CNTNAP2: variants seen among roughly 807,000 people sequenced by gnomAD.
The protein encoded by CNTNAP2 is contactin-associated protein-like 2.
A neutral mutation model predicts 155.2 loss-of-function variants in CNTNAP2; 98 were observed. The ratio of observed to expected loss-of-function variants is 0.63; its 90% confidence interval spans 0.54 to 0.75. The LOEUF (loss-of-function observed/expected upper bound fraction) is 0.75. CNTNAP2 is among the 30% of genes least tolerant of loss of function. The probability of loss-of-function intolerance (pLI) is 0.00; values close to 1 mark genes in which losing one functional copy is unlikely to be tolerated. For missense variants in CNTNAP2, 1,727 were observed against 1,688.1 expected (o/e 1.02, Z -0.40); for synonymous variants, 651 against 631.2 (o/e 1.03, Z -0.47).
rs142170351 is a variant in CNTNAP2, at chr7:147,197,512, G to A, written c.1348+65003G>A. Among the ~76,000 whole-genome samples, 360 of 152,148 alleles carry A rather than the reference G, an allele frequency of 2.4e-3. 1 individual carries two copies. Among genetic ancestry groups the A allele is most frequent in the African/African-American group, 8.2e-3 (340 of 41,488 alleles). On this transcript the variant is annotated intron_variant, in intron 8 of 23. Coordinates refer to ENST00000361727, the MANE Select transcript of CNTNAP2 (RefSeq NM_014141.6). ...GATAAGGAGTAATATTAGAGCTATC[G>A]TTAATAATATAAATAATAGGAGATC...
At chr7:146,721,895 T>A (rs1478639222) in intron 1 of CNTNAP2, among the ~76,000 whole-genome samples, 1,613 of 94,588 alleles carry the variant, frequency 0.017, 153 homozygotes, top group Middle Eastern at 0.041. Context: ...ATATATTTTT[T>A]TTTTTTTTTT....
intron 8 of CNTNAP2, among the ~76,000 whole-genome samples, chr7:147,294,689 G>C (rs1156533664): frequency 6.6e-6 from 1 of 150,536 alleles, no homozygotes; most frequent in Non-Finnish European, 1.5e-5. Flanking sequence ...ATGAAGTTTT[G>C]CTCTTGTTGC....
chr7:147,208,074 C>T (rs1409559054), intron 8 of CNTNAP2, among the ~76,000 whole-genome samples: 1 of 152,110 alleles, frequency 6.6e-6, no homozygotes, highest in Non-Finnish European at 1.5e-5. Context: ...ACAAGCAGTA[C>T]ATGAACATAT....
intron 8 of CNTNAP2, among the ~76,000 whole-genome samples, chr7:147,273,298 G>T (rs182367861): frequency 6.6e-6 from 1 of 152,156 alleles, no homozygotes; most frequent in African/African-American, 2.4e-5. Context: ...TAATAATTAT[G>T]GTAGCATGCT....
intron 13 of CNTNAP2, among the ~76,000 whole-genome samples, chr7:147,641,184 C>G (rs1253894461): frequency 6.6e-6 from 1 of 152,184 alleles, no homozygotes; most frequent in Non-Finnish European, 1.5e-5. Context: ...TTAAAAGACC[C>G]CTTTTCCCCT....
chr7:147,479,938 T>C (rs967585044), intron 10 of CNTNAP2, among the ~76,000 whole-genome samples: 2 of 152,078 alleles, frequency 1.3e-5, no homozygotes, highest in Non-Finnish European at 2.9e-5. Context: ...TAATTTCTAT[T>C]TGAATAAAAT....
At chr7:146,685,411 T>A (rs1344362252) in intron 1 of CNTNAP2, among the ~76,000 whole-genome samples, 1 of 152,210 alleles carries the variant, frequency 6.6e-6, no homozygotes, top group Non-Finnish European at 1.5e-5. Context: ...TGGACATATA[T>A]GAACATTATG....
intron 17 of CNTNAP2, among the ~76,000 whole-genome samples, chr7:148,168,492 C>T (rs1196761841): frequency 1.4e-5 from 2 of 144,034 alleles, no homozygotes; most frequent in Non-Finnish European, 3.0e-5. Context: ...TGTTCTCACT[C>T]ATAGGTGGGA....
intron 15 of CNTNAP2, among the ~76,000 whole-genome samples, chr7:148,027,416 T>C (rs144657821): frequency 1.5e-4 from 23 of 152,326 alleles, no homozygotes; most frequent in African/African-American, 4.8e-4. Context: ...TGACAGTCTG[T>C]TTACCAATCA....
chr7:147,286,478 A>C (rs529025214), intron 8 of CNTNAP2, among the ~76,000 whole-genome samples: 6 of 152,192 alleles, frequency 3.9e-5, no homozygotes, highest in African/African-American at 1.4e-4. Flanking sequence ...ATAACCTATA[A>C]ATGTTTAAAT....
At chr7:146,375,104 A>G (rs6969042) in intron 1 of CNTNAP2, among the ~76,000 whole-genome samples, 4,971 of 152,358 alleles carry the variant, frequency 0.033, 280 homozygotes, top group African/African-American at 0.11. Flanking sequence ...TCACAAAAAC[A>G]AAACTTCTTA....
At chr7:146,504,312 C>G (rs1313253874) in intron 1 of CNTNAP2, among the ~76,000 whole-genome samples, 2 of 152,188 alleles carry the variant, frequency 1.3e-5, no homozygotes, top group Admixed American at 6.5e-5. Context: ...TAGGCCAGAG[C>G]CCAGAGACAC....
chr7:147,168,741 T>G (rs190006140), intron 8 of CNTNAP2, among the ~76,000 whole-genome samples: 5 of 152,254 alleles, frequency 3.3e-5, no homozygotes, highest in Non-Finnish European at 4.4e-5. Flanking sequence ...TCCCTAATTG[T>G]TATTGAGAAA....
chr7:148,349,171 C>T (rs191673134), intron 21 of CNTNAP2, among the ~76,000 whole-genome samples: 1 of 151,606 alleles, frequency 6.6e-6, no homozygotes, highest in East Asian at 1.9e-4. Flanking sequence ...TTGTTAAATA[C>T]GATGAAAAAA....
At position 146,839,754 on chromosome 7, in the gene CNTNAP2, G is replaced by A. The variant is rs267601384; in HGVS notation, c.252G>A (p.Trp84Ter). Residue 84 changes from tryptophan (W) to a stop codon, truncating the protein, a stop_gained, in exon 3 of 24, where the codon TGG becomes TGA. Coordinates refer to ENST00000361727, the MANE Select transcript of CNTNAP2 (RefSeq NM_014141.6). LOFTEE classifies it high-confidence loss of function. ...CATCAGACAGCGACCATTATCAATG[G>A]CTTCAGGTTGACTTTGGCAATCGGA... Reference protein sequence around the residue: ...WSPSDSDHYQWLQVDFGNRKQ... With the variant: ...WSPSDSDHYQ The A allele has an allele frequency of 6.2e-7, 1 of 1,614,166 alleles. No individual in the cohort carries two copies. The highest frequency in any genetic ancestry group is 2.2e-5 in the East Asian group (1 of 44,864).
intron 13 of CNTNAP2, among the ~76,000 whole-genome samples, chr7:147,788,900 C>CTTTTTTTTTTTTTTTTTTT (rs11440955): frequency 2.7e-4 from 27 of 100,748 alleles, no homozygotes; most frequent in Non-Finnish European, 4.1e-4. Flanking sequence ...TTTTCTTTTT[C>CTTTTTTTTTTTTTTTTTTT]TTTTTTTTTT....
At chr7:147,978,466 A>C (rs189101867) in intron 15 of CNTNAP2, among the ~76,000 whole-genome samples, 1 of 152,236 alleles carries the variant, frequency 6.6e-6, no homozygotes, top group East Asian at 1.9e-4. Context: ...CATCATCATC[A>C]GAGCTTGATG....
intron 3 of CNTNAP2, among the ~76,000 whole-genome samples, chr7:146,927,185 C>T (rs1796625648): frequency 6.6e-6 from 1 of 152,100 alleles, no homozygotes; most frequent in African/African-American, 2.4e-5. Flanking sequence ...TCCTGTAAGA[C>T]TTAGATGTGT....
At chr7:146,153,242 A>T (rs1798077311) in intron 1 of CNTNAP2, among the ~76,000 whole-genome samples, 1 of 152,172 alleles carries the variant, frequency 6.6e-6, no homozygotes, top group Non-Finnish European at 1.5e-5. Flanking sequence ...CAATGTTTTC[A>T]TGACATTATT....
Sources: allele counts gnomAD v4.1 joint callset (sites outside exome capture counted in the v4.1 genomes callset), GRCh38; gene constraint gnomAD v4.1.1; transcripts MANE v1.5; gene names NCBI Gene and HGNC (gene_info 2026-07-23, HGNC 2026-07-21).